CFAP144: variants seen among roughly 807,000 people sequenced by gnomAD.
CFAP144 encodes cilia and flagella associated protein 144.
the CFAP144 span, among the ~76,000 whole-genome samples, chr1:43,146,391 C>G: frequency 6.6e-6 from 1 of 152,188 alleles, no homozygotes; most frequent in Non-Finnish European, 1.5e-5. Flanking sequence ...TGGCTCAGCT[C>G]ATACTTTTAT....
the CFAP144 span, chr1:43,145,005 G>T: frequency 1.9e-6 from 1 of 521,080 alleles, no homozygotes; most frequent in Non-Finnish European, 3.5e-6. Context: ...TTCAGCCTTG[G>T]TAAGTGACAG....
At chr1:43,156,085 T>C in the CFAP144 span, 1 of 775,232 alleles carries the variant, frequency 1.3e-6, no homozygotes, top group Non-Finnish European at 2.3e-6. Flanking sequence ...TCATCTCCAT[T>C]CCGCAATGCA....
the CFAP144 span, chr1:43,153,069 T>C: frequency 9.3e-7 from 1 of 1,073,042 alleles, no homozygotes; most frequent in Admixed American, 2.5e-5. Context: ...GTTACTAAGC[T>C]CTCTTATGAC....
At chr1:43,150,866 G>T in the CFAP144 span, 1 of 1,523,280 alleles carries the variant, frequency 6.6e-7, no homozygotes, top group Non-Finnish European at 9.0e-7. Context: ...GCCCAGAGAG[G>T]CAGGCTGGCT....
chr1:43,147,996 T>G, the CFAP144 span: 1 of 1,613,846 alleles, frequency 6.2e-7, no homozygotes, highest in African/African-American at 1.3e-5. Flanking sequence ...ATGAGGTCCA[T>G]CAGAACCAGA....
the CFAP144 span, among the ~76,000 whole-genome samples, chr1:43,154,969 G>A: frequency 5.8e-4 from 88 of 152,328 alleles, no homozygotes; most frequent in African/African-American, 2.1e-3. Context: ...TTGGAGAGTG[G>A]TGGAGGATGG....
chr1:43,150,669 C>A, the CFAP144 span: 3 of 1,128,808 alleles, frequency 2.7e-6, no homozygotes, highest in Non-Finnish European at 3.9e-6. Flanking sequence ...TCAGTGAGTG[C>A]CAAATGGGTG....
the CFAP144 span, among the ~76,000 whole-genome samples, chr1:43,155,575 C>A: frequency 7.2e-4 from 110 of 152,316 alleles, 3 homozygotes; most frequent in East Asian, 0.018. Context: ...AGAAAGTATA[C>A]CCCAAAAACC....
the CFAP144 span, among the ~76,000 whole-genome samples, chr1:43,154,354 C>A: frequency 7.1e-6 from 1 of 140,584 alleles, no homozygotes; most frequent in Non-Finnish European, 1.5e-5. Context: ...TATATATATA[C>A]ATACAAAATA....
the CFAP144 span, among the ~76,000 whole-genome samples, chr1:43,155,000 G>A: frequency 2.6e-5 from 4 of 152,180 alleles, no homozygotes; most frequent in African/African-American, 7.2e-5. Flanking sequence ...CAGATATCAA[G>A]GGTGATCAGA....
chr1:43,148,812 C>G, the CFAP144 span, among the ~76,000 whole-genome samples: 6 of 152,232 alleles, frequency 3.9e-5, no homozygotes, highest in East Asian at 1.2e-3. Flanking sequence ...TCGGAGTCCT[C>G]CTCAAGGTCT....
the CFAP144 span, among the ~76,000 whole-genome samples, chr1:43,144,340 A>G: frequency 6.6e-6 from 1 of 152,174 alleles, no homozygotes; most frequent in Non-Finnish European, 1.5e-5. Flanking sequence ...CATAATGGGC[A>G]TTCAGTTAGG....
chr1:43,150,686 T>C, the CFAP144 span: 1 of 1,338,676 alleles, frequency 7.5e-7, no homozygotes. Flanking sequence ...GGTGCCCTGT[T>C]TAAGGTGGAC....
the CFAP144 span, chr1:43,156,177 TC>T: frequency 6.2e-7 from 1 of 1,601,032 alleles, no homozygotes; most frequent in Non-Finnish European, 8.6e-7. Flanking sequence ...CTCACAGGCT[TC>T]TTTCTGATTC....
At chr1:43,151,584 A>G in the CFAP144 span, among the ~76,000 whole-genome samples, 1 of 152,308 alleles carries the variant, frequency 6.6e-6, no homozygotes, top group African/African-American at 2.4e-5. Context: ...TACAGAAATG[A>G]GAAACATGAC....
the CFAP144 span, among the ~76,000 whole-genome samples, chr1:43,154,799 G>C: frequency 6.6e-6 from 1 of 151,940 alleles, no homozygotes; most frequent in Non-Finnish European, 1.5e-5. Context: ...CCTCGACTCT[G>C]ATTACAGCAT....
At chr1:43,154,102 T>TATATA in the CFAP144 span, among the ~76,000 whole-genome samples, 19 of 118,720 alleles carry the variant, frequency 1.6e-4, no homozygotes, top group Admixed American at 3.6e-4. Flanking sequence ...ATATATATAC[T>TATATA]CTCTTTTTAT....
At chr1:43,146,050 A>T in the CFAP144 span, among the ~76,000 whole-genome samples, 1 of 152,214 alleles carries the variant, frequency 6.6e-6, no homozygotes, top group Non-Finnish European at 1.5e-5. Context: ...ATTAAGCTGG[A>T]TTCCTACCTC....
At chr1:43,152,732 C>G in the CFAP144 span, 1 of 1,327,268 alleles carries the variant, frequency 7.5e-7, no homozygotes, top group Non-Finnish European at 1.0e-6. Flanking sequence ...CACAGATGCT[C>G]TGCCTGAAAG....
Sources: gnomAD v4.1 joint callset for allele counts (sites outside exome capture counted in the v4.1 genomes callset) on GRCh38, gnomAD v4.1.1 for gene constraint, MANE v1.5 for transcripts, NCBI Gene and HGNC (gene_info 2026-07-23, HGNC 2026-07-21) for gene names.